Variants in FNBP1L observed in about 807,000 individuals in gnomAD.
FNBP1L encodes the protein formin-binding protein 1-like.
In FNBP1L, 36 loss-of-function variants were observed where a neutral mutation model predicts 91.2. That is an observed-to-expected ratio of 0.39 (90% CI 0.30 to 0.52). FNBP1L has a LOEUF of 0.52. Ranked by LOEUF, FNBP1L falls within the 20% of genes least tolerant of loss-of-function variation. FNBP1L has a pLI of 0.66. For synonymous variants in FNBP1L, 242 were observed against 237.0 expected, an observed-to-expected ratio of 1.02 and a Z score of -0.19; for missense variants, 571 against 732.1, an observed-to-expected ratio of 0.78 and a Z score of 2.54.
intron 12 of FNBP1L, 132 bp from the exon 13 acceptor site, chr1:93,546,710 T>A: frequency 1.1e-6 from 1 of 907,374 alleles, no homozygotes; most frequent in Non-Finnish European, 1.7e-6. Flanking sequence ...TCAGGTCATG[T>A]TAGACAAACT....
At chr1:93,457,901 C>A (rs922523741) in intron 1 of FNBP1L, among the ~76,000 whole-genome samples, 1 of 151,788 alleles carries the variant, frequency 6.6e-6, no homozygotes, top group Non-Finnish European at 1.5e-5. Flanking sequence ...ACACCATTCT[C>A]CTGCCTCAGC....
chr1:93,510,247 A>G (rs1452378367), intron 2 of FNBP1L, among the ~76,000 whole-genome samples: 3 of 151,970 alleles, frequency 2.0e-5, no homozygotes, highest in Admixed American at 6.6e-5. Context: ...CTCCCAGCAC[A>G]CAGCTGGAGA....
chr1:93,533,813 T>G (rs1487602069), intron 8 of FNBP1L, among the ~76,000 whole-genome samples: 1 of 152,198 alleles, frequency 6.6e-6, no homozygotes, highest in Non-Finnish European at 1.5e-5. Flanking sequence ...GATACAAGTT[T>G]ATACAATATC....
chr1:93,497,273 T>C (rs1448750502), intron 1 of FNBP1L, among the ~76,000 whole-genome samples: 1 of 152,200 alleles, frequency 6.6e-6, no homozygotes, highest in African/African-American at 2.4e-5. Flanking sequence ...GAACTTATTT[T>C]TTAAAAATAA....
At chr1:93,477,548 C>G (rs1669540883) in intron 1 of FNBP1L, among the ~76,000 whole-genome samples, 1 of 152,182 alleles carries the variant, frequency 6.6e-6, no homozygotes, top group Non-Finnish European at 1.5e-5. Context: ...CTGTAAAGCT[C>G]TTCTATTTCT....
intron 2 of FNBP1L, among the ~76,000 whole-genome samples, chr1:93,503,747 A>G (rs1026549080): frequency 2.0e-5 from 3 of 152,254 alleles, no homozygotes; most frequent in Non-Finnish European, 4.4e-5. Context: ...TTGCAAAGAT[A>G]TGCAACTGAA....
chr1:93,510,125 C>A (rs1000255357), intron 2 of FNBP1L, among the ~76,000 whole-genome samples: 1 of 152,322 alleles, frequency 6.6e-6, no homozygotes, highest in Non-Finnish European at 1.5e-5. Context: ...TCAAGGAGGC[C>A]TGCCTGCCTC....
At chr1:93,551,865 T>C in intron 16 of FNBP1L, 1 of 985,412 alleles carries the variant, frequency 1.0e-6, no homozygotes, top group Non-Finnish European at 1.2e-6. Context: ...GTATGTTTCA[T>C]CTTGAAAATA....
intron 1 of FNBP1L, among the ~76,000 whole-genome samples, chr1:93,491,203 C>A (rs1670078732): frequency 6.6e-6 from 1 of 152,182 alleles, no homozygotes; most frequent in Non-Finnish European, 1.5e-5. Flanking sequence ...ACCTTGGCCT[C>A]CCAAGTGTTA....
At chr1:93,533,152 T>G in intron 8 of FNBP1L, 84 bp downstream of exon 8, 1 of 1,183,916 alleles carries the variant, frequency 8.4e-7, no homozygotes, top group African/African-American at 1.5e-5. Flanking sequence ...GAGAAAGGGA[T>G]AAAGTAATCT....
At chr1:93,530,692 T>G in intron 6 of FNBP1L, 63 bp from the exon 7 acceptor site, 1 of 1,537,154 alleles carries the variant, frequency 6.5e-7, no homozygotes, top group Non-Finnish European at 8.8e-7. Context: ...TTAGTATAAT[T>G]TTCAAAAAAG....
At chr1:93,529,321 G>A (rs761724141) in intron 5 of FNBP1L, among the ~76,000 whole-genome samples, 5 of 152,026 alleles carry the variant, frequency 3.3e-5, no homozygotes, top group Non-Finnish European at 7.4e-5. Flanking sequence ...TTTAAGGAAC[G>A]TGGATTGGTT....
chr1:93,469,714 G>T (rs1247408452), intron 1 of FNBP1L, among the ~76,000 whole-genome samples: 26 of 152,202 alleles, frequency 1.7e-4, no homozygotes, highest in Middle Eastern at 3.4e-3. Context: ...AGGAAAAATT[G>T]CCAGGCAGGA....
At chr1:93,479,896 C>T (rs1669634728) in intron 1 of FNBP1L, among the ~76,000 whole-genome samples, 1 of 152,282 alleles carries the variant, frequency 6.6e-6, no homozygotes. Context: ...CGTACATCCT[C>T]AGCTTACGAA....
At chr1:93,532,766 G>A (rs1401576196) in intron 7 of FNBP1L, among the ~76,000 whole-genome samples, 156 bp from the exon 8 acceptor site, 1 of 152,044 alleles carries the variant, frequency 6.6e-6, no homozygotes. Context: ...CAGGTTTTAA[G>A]TATTATAAGT....
chr1:93,545,139 T>C (rs1333513070), intron 12 of FNBP1L, among the ~76,000 whole-genome samples: 2 of 152,168 alleles, frequency 1.3e-5, no homozygotes, highest in East Asian at 3.8e-4. Flanking sequence ...TTATCTAAGA[T>C]TAGAATTTTC....
intron 10 of FNBP1L, among the ~76,000 whole-genome samples, chr1:93,536,917 C>G (rs1486513054): frequency 6.6e-6 from 1 of 151,530 alleles, no homozygotes; most frequent in Non-Finnish European, 1.5e-5. Context: ...AATTGCCCTG[C>G]TTATTTTCAG....
Position 93,536,766 on chromosome 1 carries a change from TTGTAA to T in FNBP1L, c.1149+281_1149+285del, listed in dbSNP as rs149051846. Among the ~76,000 whole-genome samples, 736 of 152,212 alleles carry T rather than the reference TTGTAA, an allele frequency of 4.8e-3. 3 individuals are homozygous for T. Among genetic ancestry groups the T allele is most frequent in the African/African-American group, 0.017 (711 of 41,552 alleles). ...GTGAAATCATATGTTCACCATTGTC[TTGTAA>T]TGTATTTACATTTTTAAGACTTTCA... On this transcript the variant is annotated intron_variant, in intron 10 of 16. Transcript: ENST00000271234.
In FNBP1L at chr1:93,523,821, A is replaced by T. The variant is rs140253945; in HGVS notation, c.342+330A>T. Reference sequence around the variant, plus strand: ...ACAATTATATGAAATTTTATTTTTAATGTCCATACATAAAATTTTATTGGA... The same window carrying T: ...ACAATTATATGAAATTTTATTTTTATTGTCCATACATAAAATTTTATTGGA... On this transcript the variant is annotated intron_variant, in intron 4 of 16. Transcript: ENST00000271234. 1.9e-3 allele frequency among the ~76,000 whole-genome samples: 291 copies of T among 152,354 alleles called. 2 individuals are homozygous for T. Among genetic ancestry groups the T allele is most frequent in the African/African-American group, 6.7e-3 (280 of 41,578 alleles).
Sources: gnomAD v4.1 joint callset for allele counts (sites outside exome capture counted in the v4.1 genomes callset) on GRCh38, gnomAD v4.1.1 for gene constraint, MANE v1.5 for transcripts, NCBI Gene and HGNC (gene_info 2026-07-23, HGNC 2026-07-21) for gene names.